The following PEBP4 variants were observed in gnomAD, a reference collection of about 807,000 sequenced individuals.
PEBP4 encodes phosphatidylethanolamine-binding protein 4.
A neutral mutation model predicts 23.9 loss-of-function variants in PEBP4; 22 were observed. That is an observed-to-expected ratio of 0.92 (90% CI 0.66 to 1.31). PEBP4 has a LOEUF of 1.31. Among genes scored for constraint, PEBP4 ranks in the 40% most tolerant of loss-of-function variants. The pLI, the probability that PEBP4 is intolerant of heterozygous loss-of-function variation, is 0.00. For synonymous variants in PEBP4, 112 were observed against 99.3 expected, an observed-to-expected ratio of 1.13 and a Z score of -0.76; for missense variants, 324 against 281.7, an observed-to-expected ratio of 1.15 and a Z score of -1.07.
At chr8:22,743,339 G>A (rs1805039704) in intron 4 of PEBP4, among the ~76,000 whole-genome samples, 1 of 152,212 alleles carries the variant, frequency 6.6e-6, no homozygotes, top group Non-Finnish European at 1.5e-5. Context: ...TAATAAAGAA[G>A]GGGCCTGAGC....
intron 4 of PEBP4, among the ~76,000 whole-genome samples, chr8:22,814,584 G>T (rs1355180716): frequency 3.3e-5 from 5 of 152,136 alleles, no homozygotes; most frequent in East Asian, 3.9e-4. Context: ...TATGGCCATG[G>T]CCTGATCAAC....
intron 3 of PEBP4, among the ~76,000 whole-genome samples, chr8:22,837,334 C>G (rs994315838): frequency 1.3e-5 from 2 of 152,196 alleles, no homozygotes; most frequent in Non-Finnish European, 2.9e-5. Context: ...AAAGAAAAAT[C>G]AGGCCGTGAC....
Position 22,775,480 on chromosome 8 carries a change from G to A in PEBP4, c.357+42157C>T, listed in dbSNP as rs1365903321. On this transcript the variant is annotated intron_variant, in intron 4 of 6. Transcript: ENST00000256404. The surrounding 1 kb of genome is among the most constrained non-coding windows in gnomAD (Gnocchi z 4.8). ...CCCGTGGGTGGTGTTCACGTATGGA[G>A]GGGGGGGATTTCTTTTTAAGAGACA... is the stretch of plus-strand genomic sequence containing the variant. Among the ~76,000 whole-genome samples the A allele has an allele frequency of 6.6e-6, 1 of 151,930 alleles. No individual in the cohort carries two copies. Among genetic ancestry groups the A allele is most frequent in the Non-Finnish European group, 1.5e-5 (1 of 67,944 alleles).
chr8:22,765,053 C>T (rs1333167073), intron 4 of PEBP4, among the ~76,000 whole-genome samples: 2 of 152,160 alleles, frequency 1.3e-5, no homozygotes. Flanking sequence ...TTCCCTCTCT[C>T]ATACCTCTTC....
intron 3 of PEBP4, among the ~76,000 whole-genome samples, chr8:22,818,439 G>A (rs1806791785): frequency 6.6e-6 from 1 of 152,176 alleles, no homozygotes; most frequent in African/African-American, 2.4e-5. Context: ...AGGTCTTCAG[G>A]TGGGAAAAAA....
intron 4 of PEBP4, among the ~76,000 whole-genome samples, chr8:22,741,086 TAGACCAGATG>T (rs1804980574): frequency 6.6e-6 from 1 of 152,140 alleles, no homozygotes; most frequent in Non-Finnish European, 1.5e-5. Context: ...GTGTTGCCTA[TAGACCAGATG>T]AGGGTGCGGG....
chr8:22,901,398 G>A (rs1808706808), intron 3 of PEBP4, among the ~76,000 whole-genome samples: 1 of 152,196 alleles, frequency 6.6e-6, no homozygotes, highest in South Asian at 2.1e-4. Flanking sequence ...GGATTCAGTT[G>A]TGAGGATGAC....
At chr8:22,873,600 C>G (rs902112347) in intron 3 of PEBP4, among the ~76,000 whole-genome samples, 2 of 152,164 alleles carry the variant, frequency 1.3e-5, no homozygotes, top group African/African-American at 2.4e-5. Flanking sequence ...CCACTGCACT[C>G]CAGCCTGGGC....
intron 4 of PEBP4, among the ~76,000 whole-genome samples, chr8:22,730,170 G>A (rs1360841431): frequency 2.0e-5 from 3 of 152,128 alleles, no homozygotes; most frequent in African/African-American, 4.8e-5. Flanking sequence ...ATTAAAATAC[G>A]GAGATATTAT....
At chr8:22,826,797 G>A (rs1426254329) in intron 3 of PEBP4, among the ~76,000 whole-genome samples, 1 of 152,248 alleles carries the variant, frequency 6.6e-6, no homozygotes, top group Non-Finnish European at 1.5e-5. Context: ...GATATGGGTA[G>A]ATGAGATAGA....
upstream of PEBP4, among the ~76,000 whole-genome samples, chr8:22,929,950 C>T (rs1371401072): frequency 1.3e-5 from 2 of 152,200 alleles, no homozygotes; most frequent in African/African-American, 4.8e-5. Context: ...AAGTAATCCA[C>T]CTGTGTGCTC....
chr8:22,758,865 G>A (rs1326035930), intron 4 of PEBP4, among the ~76,000 whole-genome samples: 1 of 152,204 alleles, frequency 6.6e-6, no homozygotes, highest in Non-Finnish European at 1.5e-5. Context: ...CCTTGCCTTG[G>A]AAGGGAGAGG....
At chr8:22,787,975 G>A (rs763333811) in intron 4 of PEBP4, among the ~76,000 whole-genome samples, 3 of 152,146 alleles carry the variant, frequency 2.0e-5, no homozygotes, top group South Asian at 2.1e-4. Context: ...CCTACAGAGC[G>A]TGCAGGGGGA....
intron 4 of PEBP4, among the ~76,000 whole-genome samples, chr8:22,797,840 AGAGT>A (rs1374970330): frequency 1.3e-5 from 2 of 152,220 alleles, no homozygotes; most frequent in Admixed American, 1.3e-4. Flanking sequence ...TCAGGTGGTC[AGAGT>A]GAGTGCCCTG....
chr8:22,810,304 G>A (rs924473300), intron 4 of PEBP4, among the ~76,000 whole-genome samples: 6 of 152,052 alleles, frequency 3.9e-5, no homozygotes, highest in Admixed American at 6.5e-5. Flanking sequence ...AAATTACTGC[G>A]GCCAGAACAG....
chr8:22,877,656 ACCCCAC>A (rs1808151055), intron 3 of PEBP4, among the ~76,000 whole-genome samples: 1 of 150,754 alleles, frequency 6.6e-6, no homozygotes, highest in East Asian at 2.0e-4. Context: ...GGGGCCCACC[ACCCCAC>A]CTCCCCACCT....
chr8:22,864,371 C>T (rs1807842041), intron 3 of PEBP4, among the ~76,000 whole-genome samples: 1 of 152,206 alleles, frequency 6.6e-6, no homozygotes, highest in Non-Finnish European at 1.5e-5. Context: ...CTTCTAGGCT[C>T]ACCTCTTCAG....
chr8:22,889,498 A>AC (rs1223093512), intron 3 of PEBP4, among the ~76,000 whole-genome samples: 4 of 152,298 alleles, frequency 2.6e-5, no homozygotes, highest in African/African-American at 9.6e-5. Context: ...GGGAGAGAAA[A>AC]ATTAAAGGCA....
At chr8:22,780,059 C>T (rs56689881) in intron 4 of PEBP4, among the ~76,000 whole-genome samples, 45 of 152,154 alleles carry the variant, frequency 3.0e-4, no homozygotes, top group African/African-American at 1.1e-3. Flanking sequence ...GGTGATCCTC[C>T]CACCTCAGCC....
Sources: gnomAD v4.1 joint callset for allele counts (sites outside exome capture counted in the v4.1 genomes callset) on GRCh38, gnomAD v4.1.1 for gene constraint, Gnocchi (gnomAD v3.1) non-coding constraint, MANE v1.5 for transcripts, NCBI Gene and HGNC (gene_info 2026-07-23, HGNC 2026-07-21) for gene names.